Variants in FSTL4 observed in about 807,000 individuals in gnomAD.
FSTL4 encodes follistatin-related protein 4.
A neutral mutation model predicts 78.2 loss-of-function variants in FSTL4; 28 were observed. The ratio of observed to expected loss-of-function variants is 0.36; its 90% CI spans 0.27 to 0.49. The LOEUF (loss-of-function observed/expected upper bound fraction) is 0.49, where lower values mean the gene tolerates loss of function less well. FSTL4 is among the 20% of genes least tolerant of loss of function. The probability of loss-of-function intolerance (pLI) is 0.98; values close to 1 mark genes in which losing one functional copy is unlikely to be tolerated. For missense variants in FSTL4, 922 were observed against 1,084.9 expected (o/e 0.85, Z 2.11); for synonymous variants, 422 against 440.5 (o/e 0.96, Z 0.53).
chr5:133,573,961 G>C (rs546940893), intron 2 of FSTL4, among the ~76,000 whole-genome samples: 9 of 152,334 alleles, frequency 5.9e-5, no homozygotes, highest in Admixed American at 1.3e-4. Flanking sequence ...GATATCAAGA[G>C]TATCTTCATG....
the FSTL4 span, among the ~76,000 whole-genome samples, chr5:133,772,156 C>A: frequency 1.3e-5 from 2 of 152,104 alleles, no homozygotes; most frequent in Non-Finnish European, 2.9e-5. Flanking sequence ...GTCTTTAGTA[C>A]TGCAAAATTA....
intron 3 of FSTL4, among the ~76,000 whole-genome samples, chr5:133,557,662 G>A (rs903957143): frequency 6.6e-6 from 1 of 152,190 alleles, no homozygotes; most frequent in East Asian, 1.9e-4. Context: ...CTGGAGCTGT[G>A]AGGAGGGGAG....
the FSTL4 span, among the ~76,000 whole-genome samples, chr5:133,781,362 C>T: frequency 2.8e-5 from 3 of 106,018 alleles, 1 homozygote; most frequent in South Asian, 8.1e-4. Flanking sequence ...GATTGTTAAG[C>T]GGTTGTGTGT....
intron 3 of FSTL4, among the ~76,000 whole-genome samples, chr5:133,403,375 G>A (rs1349412127): frequency 6.6e-6 from 1 of 152,168 alleles, no homozygotes; most frequent in Non-Finnish European, 1.5e-5. Context: ...TCTATGAAGT[G>A]CTTGCTACCA....
chr5:133,352,279 T>TAC lies in FSTL4; in HGVS notation c.410-35629_410-35628dup, dbSNP rs376993488. 6.4e-4 allele frequency among the ~76,000 whole-genome samples: 63 copies of TAC among 99,090 alleles called. 1 individual carries two copies. Among genetic ancestry groups the TAC allele is most frequent in the Middle Eastern group, 4.1e-3 (1 of 242 alleles). 65.0% of individuals were successfully genotyped at this position (99,090 alleles called of 152,430 possible). A position where few individuals can be genotyped will look rare whatever the true frequency, so the allele number is the denominator to read the frequency against. On this transcript the variant is annotated intron_variant, in intron 4 of 15. Transcript: ENST00000265342. ...ATATATATATACACACATATATATATACACACATATATATACACACACATA... is the reference window on the plus strand; with the variant it reads ...ATATATATATACACACATATATATATACACACACATATATATACACACACATA...
At chr5:133,316,919 C>T (rs1470327501) in intron 4 of FSTL4, among the ~76,000 whole-genome samples, 1 of 152,194 alleles carries the variant, frequency 6.6e-6, no homozygotes, top group Non-Finnish European at 1.5e-5. Flanking sequence ...TTGAGCACCA[C>T]TACAAGCCAG....
In FSTL4 at chr5:133,440,909, G is replaced by A. The variant is rs1444587531; in HGVS notation, c.161-39923C>T. ...CTGCCTCCTGCACTTGGCCTCCTGG[G>A]TCTGGGTCAGGGCCAGCCCTGCTCC... is the stretch of plus-strand genomic sequence containing the variant. On this transcript the variant is annotated intron_variant, in intron 3 of 15. Transcript: ENST00000265342. The surrounding 1 kb of genome is among the most constrained non-coding windows in gnomAD (Gnocchi z 4.1). 6.6e-6 allele frequency among the ~76,000 whole-genome samples: 1 copy of A among 152,176 alleles called. No homozygotes were observed. Among genetic ancestry groups the A allele is most frequent in the South Asian group, 2.1e-4 (1 of 4,832 alleles).
At chr5:133,283,767 T>TA (rs1188405817) in intron 6 of FSTL4, among the ~76,000 whole-genome samples, 1 of 152,178 alleles carries the variant, frequency 6.6e-6, no homozygotes, top group African/African-American at 2.4e-5. Context: ...CACACTGCTA[T>TA]AAAAAACTAC....
chr5:133,694,638 G>T, the FSTL4 span, among the ~76,000 whole-genome samples: 7 of 152,340 alleles, frequency 4.6e-5, no homozygotes, highest in Non-Finnish European at 1.0e-4. Context: ...CCTGCTTCTA[G>T]CACCTGTGAC....
chr5:133,749,216 A>G, the FSTL4 span, among the ~76,000 whole-genome samples: 1 of 152,220 alleles, frequency 6.6e-6, no homozygotes, highest in South Asian at 2.1e-4. Context: ...AACCGGGGAC[A>G]GGGGTACAGT....
chr5:133,698,570 AT>A, the FSTL4 span, among the ~76,000 whole-genome samples: 1 of 152,252 alleles, frequency 6.6e-6, no homozygotes, highest in Non-Finnish European at 1.5e-5. Context: ...ATGTGTGACC[AT>A]TACATGCGAT....
At chr5:133,794,432 C>T in the FSTL4 span, among the ~76,000 whole-genome samples, 3 of 152,228 alleles carry the variant, frequency 2.0e-5, no homozygotes, top group Admixed American at 2.0e-4. Flanking sequence ...GGTGGCTGCT[C>T]CAGCTCCAGC....
the FSTL4 span, among the ~76,000 whole-genome samples, chr5:133,720,016 G>A: frequency 3.3e-5 from 5 of 152,114 alleles, no homozygotes; most frequent in African/African-American, 7.2e-5. Flanking sequence ...GGCTTCACAC[G>A]TATCCACAAA....
the FSTL4 span, among the ~76,000 whole-genome samples, chr5:133,771,737 C>T: frequency 6.6e-5 from 10 of 151,904 alleles, no homozygotes; most frequent in East Asian, 3.9e-4. Flanking sequence ...TTTTTTCTCC[C>T]GCCTGATTGC....
At chr5:133,818,814 G>T in the FSTL4 span, among the ~76,000 whole-genome samples, 1 of 149,808 alleles carries the variant, frequency 6.7e-6, no homozygotes, top group Non-Finnish European at 1.5e-5. Flanking sequence ...AGGATGAATT[G>T]TACCACAGTT....
chr5:133,752,894 C>G, the FSTL4 span, among the ~76,000 whole-genome samples: 2 of 152,082 alleles, frequency 1.3e-5, no homozygotes, highest in African/African-American at 4.8e-5. Context: ...CAGTTATTTT[C>G]TTGCGCTCTG....
At chr5:133,240,229 ACACT>A (rs375729876) in intron 7 of FSTL4, among the ~76,000 whole-genome samples, 27 of 152,322 alleles carry the variant, frequency 1.8e-4, no homozygotes, top group African/African-American at 6.0e-4. Context: ...AAGAACTGTG[ACACT>A]CACTGCGAGG....
At chr5:133,275,528 C>G (rs961288869) in intron 6 of FSTL4, among the ~76,000 whole-genome samples, 7 of 148,944 alleles carry the variant, frequency 4.7e-5, no homozygotes, top group Non-Finnish European at 1.0e-4. Context: ...CCACTGCACT[C>G]TAGCCTGGGC....
intron 6 of FSTL4, among the ~76,000 whole-genome samples, chr5:133,286,252 G>C (rs887533819): frequency 1.4e-4 from 22 of 152,156 alleles, no homozygotes; most frequent in African/African-American, 5.1e-4. Context: ...CTCAGAATCT[G>C]CCTCATAGAC....
Sources: gnomAD v4.1 joint callset for allele counts (sites outside exome capture counted in the v4.1 genomes callset) on GRCh38, gnomAD v4.1.1 for gene constraint, Gnocchi (gnomAD v3.1) non-coding constraint, MANE v1.5 for transcripts, NCBI Gene and HGNC (gene_info 2026-07-23, HGNC 2026-07-21) for gene names.